Variants in MME observed in about 807,000 individuals in gnomAD.
The protein encoded by MME is membrane metalloendopeptidase.
Under a neutral mutation model 113.2 loss-of-function variants are expected in MME, and 98 were observed. The observed-to-expected ratio is 0.87, with a 90% CI of 0.74 to 1.02. The LOEUF is 1.02. MME is among the 50% of genes least tolerant of loss of function. MME has a pLI of 0.00. For synonymous variants in MME, 292 were observed against 300.6 expected, an observed-to-expected ratio of 0.97 and a Z score of 0.30; for missense variants, 836 against 896.0, an observed-to-expected ratio of 0.93 and a Z score of 0.86.
chr3:155,173,449 C>A (rs1165302932), intron 22 of MME, among the ~76,000 whole-genome samples: 1 of 151,860 alleles, frequency 6.6e-6, no homozygotes, highest in Non-Finnish European at 1.5e-5. Flanking sequence ...AGCATACTGC[C>A]CAGATCATTT....
chr3:155,115,212 TA>T, intron 4 of MME, 57 bp downstream of exon 4: 11 of 1,580,920 alleles, frequency 7.0e-6, no homozygotes, highest in Non-Finnish European at 9.5e-6. Flanking sequence ...GTTCATTTTT[TA>T]AATATACAAT....
intron 3 of MME, among the ~76,000 whole-genome samples, chr3:155,103,138 T>C (rs1717404090): frequency 6.6e-6 from 1 of 152,212 alleles, no homozygotes; most frequent in Non-Finnish European, 1.5e-5. Flanking sequence ...TATTAGTTGT[T>C]CAATGTCTGG....
rs963875874 is a variant in MME, at chr3:155,116,489, A to G, written c.369A>G (p.Gln123=). ...ELEVVLKDVL[Q]EPKTEDIVAV... is the part of the protein sequence containing the mutation. ...AATGTCCTATTTCAGATGTCCTTCAAGAACCCAAAACTGAAGATATAGTAG... is the reference window on the plus strand; with the variant it reads ...AATGTCCTATTTCAGATGTCCTTCAGGAACCCAAAACTGAAGATATAGTAG... Residue 123 remains glutamine (Q), a synonymous_variant, in exon 5 of 23, where the codon CAA becomes CAG. Transcript: ENST00000360490. 5.0e-6 allele frequency: 8 copies of G among 1,611,158 alleles called. No individual in the cohort carries two copies. The African/African-American group carries it at 1.1e-4, about 22-fold the overall frequency.
At chr3:155,053,537 G>C (rs543216189) in intron 1 of MME, among the ~76,000 whole-genome samples, 1 of 152,082 alleles carries the variant, frequency 6.6e-6, no homozygotes, top group Non-Finnish European at 1.5e-5. Flanking sequence ...AACTGTCCCA[G>C]TTATTCAATT....
chr3:155,174,701 T>C (rs1352123439), intron 22 of MME, among the ~76,000 whole-genome samples: 1 of 152,134 alleles, frequency 6.6e-6, no homozygotes, highest in African/African-American at 2.4e-5. Context: ...AGCTGCATCA[T>C]AAAACCATAT....
At chr3:155,161,600 A>G (rs1177329907) in intron 17 of MME, among the ~76,000 whole-genome samples, 1 of 152,184 alleles carries the variant, frequency 6.6e-6, no homozygotes, top group Non-Finnish European at 1.5e-5. Context: ...AGTTAGGTTA[A>G]GAAGTTATCT....
chr3:155,073,685 T>C (rs1401952570), intron 1 of MME, among the ~76,000 whole-genome samples: 2 of 152,212 alleles, frequency 1.3e-5, no homozygotes, highest in African/African-American at 4.8e-5. Context: ...AATAAATGTT[T>C]TAGGCTTTAA....
chr3:155,169,013 G>C, intron 20 of MME: 1 of 513,774 alleles, frequency 1.9e-6, no homozygotes, highest in South Asian at 2.5e-5. Context: ...TTTGCAAAGA[G>C]CCAAGAAGAA....
chr3:155,035,282 T>C, intron 1 of MME, among the ~76,000 whole-genome samples: 1 of 148,584 alleles, frequency 6.7e-6, no homozygotes, highest in Non-Finnish European at 1.5e-5. Flanking sequence ...ATTTCATATT[T>C]AATGTACTTA....
At chr3:155,054,734 T>G (rs1333907239) in intron 1 of MME, among the ~76,000 whole-genome samples, 1 of 152,178 alleles carries the variant, frequency 6.6e-6, no homozygotes, top group Non-Finnish European at 1.5e-5. Context: ...GGAGAATTGC[T>G]TGAACCCAGG....
At chr3:155,099,215 C>G (rs1716998172) in intron 3 of MME, among the ~76,000 whole-genome samples, 1 of 152,110 alleles carries the variant, frequency 6.6e-6, no homozygotes, top group African/African-American at 2.4e-5. Flanking sequence ...AGAAGAGGTG[C>G]TGGAGGGCCA....
At chr3:155,163,573 G>A (rs1428938880) in intron 17 of MME, among the ~76,000 whole-genome samples, 1 of 152,172 alleles carries the variant, frequency 6.6e-6, no homozygotes, top group Non-Finnish European at 1.5e-5. Flanking sequence ...GTAAGTTCTA[G>A]GTGCTGTTCA....
intron 3 of MME, 34 bp downstream of exon 3, chr3:155,085,128 A>C (rs1715557664): frequency 7.2e-7 from 1 of 1,382,120 alleles, no homozygotes; most frequent in African/African-American, 1.4e-5. Context: ...ATAGTTATAC[A>C]ACTGATGTAT....
chr3:155,153,767 C>T (rs1722119827), intron 16 of MME, among the ~76,000 whole-genome samples: 1 of 152,142 alleles, frequency 6.6e-6, no homozygotes, highest in African/African-American at 2.4e-5. Context: ...AAAATGAAAG[C>T]ATACTGACAT....
At chr3:155,102,424 A>T (rs867316683) in intron 3 of MME, among the ~76,000 whole-genome samples, 1 of 152,174 alleles carries the variant, frequency 6.6e-6, no homozygotes, top group African/African-American at 2.4e-5. Context: ...AAAATTGTGC[A>T]TATCATACCG....
intron 1 of MME, among the ~76,000 whole-genome samples, chr3:155,025,085 C>T (rs1282045034): frequency 6.6e-6 from 1 of 152,168 alleles, no homozygotes; most frequent in African/African-American, 2.4e-5. Context: ...GCCCCAGGGG[C>T]AGATAATGAG....
intron 17 of MME, among the ~76,000 whole-genome samples, chr3:155,164,042 G>A (rs764545647): frequency 1.3e-5 from 2 of 151,722 alleles, no homozygotes; most frequent in Non-Finnish European, 2.9e-5. Flanking sequence ...TACTTGAGAG[G>A]CTGAGGTGGG....
At chr3:155,140,127 ATGTAGTTATATTT>A in intron 9 of MME, 51 bp from the exon 10 acceptor site, 1 of 1,097,404 alleles carries the variant, frequency 9.1e-7, no homozygotes, top group Non-Finnish European at 1.4e-6. Context: ...TTACCCTCAT[ATGTAGTTATATTT>A]TTCTAAAGAA....
At chr3:155,050,490 A>C (rs535790719) in intron 1 of MME, among the ~76,000 whole-genome samples, 1 of 152,040 alleles carries the variant, frequency 6.6e-6, no homozygotes, top group Admixed American at 6.6e-5. Context: ...CCTTGCCAGT[A>C]TGTTATTTTT....
Sources: allele counts gnomAD v4.1 joint callset (sites outside exome capture counted in the v4.1 genomes callset), GRCh38; gene constraint gnomAD v4.1.1; transcripts MANE v1.5; gene names NCBI Gene and HGNC (gene_info 2026-07-23, HGNC 2026-07-21).